ATXN10: variants seen among roughly 807,000 people sequenced by gnomAD.
ATXN10 encodes ataxin-10.
Under a neutral mutation model 52.9 loss-of-function variants are expected in ATXN10, and 28 were observed. The ratio of observed to expected loss-of-function variants is 0.53; its 90% confidence interval spans 0.39 to 0.73. ATXN10 has a LOEUF of 0.73. ATXN10 is among the 30% of genes least tolerant of loss of function. ATXN10 has a pLI of 0.00. For missense variants in ATXN10, 565 were observed against 577.0 expected (o/e 0.98, Z 0.21); for synonymous variants, 226 against 221.5 (o/e 1.02, Z -0.18).
intron 5 of ATXN10, among the ~76,000 whole-genome samples, chr22:45,709,593 G>T (rs776954757): frequency 5.9e-5 from 9 of 152,088 alleles, no homozygotes; most frequent in Non-Finnish European, 7.4e-5. Context: ...GCCCACGGCT[G>T]GTCCTCAGAC....
intron 5 of ATXN10, among the ~76,000 whole-genome samples, chr22:45,703,428 C>T (rs974125186): frequency 5.3e-5 from 8 of 152,106 alleles, no homozygotes; most frequent in African/African-American, 1.9e-4. Flanking sequence ...AGATTTATGT[C>T]TTTTGCCAAA....
intron 9 of ATXN10, among the ~76,000 whole-genome samples, chr22:45,755,593 G>A (rs1926145563): frequency 1.3e-5 from 2 of 152,022 alleles, no homozygotes; most frequent in Admixed American, 6.5e-5. Context: ...AATAATTTGT[G>A]TATATTTGGA....
At position 45,766,284 on chromosome 22, in the gene ATXN10, G is replaced by A. The variant is rs747508350; in HGVS notation, c.1173+25746G>A. Reference sequence around the variant, plus strand: ...TCTGCCTCTAGTCAGGTCAGAGGTGGCATTAGAGTCTCACAGGAGCGTGAA... The same window carrying A: ...TCTGCCTCTAGTCAGGTCAGAGGTGACATTAGAGTCTCACAGGAGCGTGAA... On this transcript the variant is annotated intron_variant, in intron 9 of 11. Coordinates refer to ENST00000252934, the MANE Select transcript of ATXN10 (RefSeq NM_013236.4). The surrounding 1 kb of genome is among the most constrained non-coding windows in gnomAD (Gnocchi z 4.6). Among the ~76,000 whole-genome samples the A allele has an allele frequency of 6.6e-6, 1 of 152,166 alleles. No individual in the cohort carries two copies. Among genetic ancestry groups the A allele is most frequent in the Non-Finnish European group, 1.5e-5 (1 of 68,036 alleles).
At chr22:45,736,491 G>GTAAC (rs1925301949) in intron 7 of ATXN10, among the ~76,000 whole-genome samples, 1 of 146,666 alleles carries the variant, frequency 6.8e-6, no homozygotes, top group Non-Finnish European at 1.5e-5. Flanking sequence ...CACCTTATCT[G>GTAAC]TAACACCTTA....
chr22:45,828,241 GA>G lies in ATXN10; in HGVS notation c.1238-14746del, dbSNP rs775331075. Among the ~76,000 whole-genome samples, 2 of 151,434 alleles carry G rather than the reference GA, an allele frequency of 1.3e-5. No individual in the cohort carries two copies. The highest frequency in any genetic ancestry group is 2.9e-5 in the Non-Finnish European group (2 of 67,830). On this transcript the variant is annotated intron_variant, in intron 10 of 11. Transcript: ENST00000252934. The surrounding 1 kb of genome is among the most constrained non-coding windows in gnomAD (Gnocchi z 4.5). ...AAGAAAAAAATATTTAGAGACAAAT[GA>G]AAATGAAAAGACAACATAACAGAAC...
At position 45,683,813 on chromosome 22, in the gene ATXN10, G is replaced by A. The variant is rs933461411; in HGVS notation, c.117-5899G>A. ...TTCGAGCACAGTCCATCTTCCCCAG[G>A]TCTTTAATGCTATTGATAGATGCCA... is the stretch of plus-strand genomic sequence containing the variant. On this transcript the variant is annotated intron_variant, in intron 1 of 11. Transcript: ENST00000252934. The surrounding 1 kb of genome is among the most constrained non-coding windows in gnomAD (Gnocchi z 4.8). Among the ~76,000 whole-genome samples the A allele has an allele frequency of 6.6e-6, 1 of 152,090 alleles. No individual in the cohort carries two copies. Among genetic ancestry groups the A allele is most frequent in the Non-Finnish European group, 1.5e-5 (1 of 68,016 alleles).
Position 45,841,693 on chromosome 22 carries a change from T to G in ATXN10, c.1238-1298T>G, listed in dbSNP as rs1330720362. On this transcript the variant is annotated intron_variant, in intron 10 of 11. Transcript: ENST00000252934. This position sits in a 1 kb window ranked among gnomAD's most constrained non-coding sequence, Gnocchi z 5.1. Reference sequence around the variant, plus strand: ...TGGACAGTCATTTTTACTATTTTCTTTTGAGGCTGTTGAATTAGGGAGAGA... The same window carrying G: ...TGGACAGTCATTTTTACTATTTTCTGTTGAGGCTGTTGAATTAGGGAGAGA... Among the ~76,000 whole-genome samples the G allele has an allele frequency of 6.6e-6, 1 of 152,226 alleles. No individual in the cohort carries two copies. The highest frequency in any genetic ancestry group is 1.9e-4 in the East Asian group (1 of 5,206).
rs530184228 is a variant in ATXN10, at chr22:45,823,236, A to G, written c.1237+16214A>G. On this transcript the variant is annotated intron_variant, in intron 10 of 11. Transcript: ENST00000252934. This position sits in a 1 kb window ranked among gnomAD's most constrained non-coding sequence, Gnocchi z 4.9. ...AGATGTAACTTCTGTTCTGACTTCTATGATGTTTTAATGAATAAAAATTCC... is the reference window on the plus strand; with the variant it reads ...AGATGTAACTTCTGTTCTGACTTCTGTGATGTTTTAATGAATAAAAATTCC... 9.0e-5 allele frequency: 42 copies of G among 468,162 alleles called. No individual in the cohort carries two copies. Among genetic ancestry groups the G allele is most frequent in the African/African-American group, 6.4e-4 (32 of 49,924 alleles). 29.0% of individuals were successfully genotyped at this position (468,162 alleles called of 1,614,324 possible).
At chr22:45,773,731 T>G (rs940826700) in intron 9 of ATXN10, among the ~76,000 whole-genome samples, 8 of 152,184 alleles carry the variant, frequency 5.3e-5, no homozygotes, top group Non-Finnish European at 8.8e-5. Context: ...ATGCTGGGAT[T>G]ACAGGTGTGA....
At position 45,805,506 on chromosome 22, in the gene ATXN10, G is replaced by A. The variant is rs1339416049; in HGVS notation, c.1174-1453G>A. On this transcript the variant is annotated intron_variant, in intron 9 of 11. Transcript: ENST00000252934. The surrounding 1 kb of genome is among the most constrained non-coding windows in gnomAD (Gnocchi z 4.4). Reference sequence around the variant, plus strand: ...ATGTGGCATATCCGTACAATGCACTGTTCACGTTACTCAGCCGTGAAAAGA... The same window carrying A: ...ATGTGGCATATCCGTACAATGCACTATTCACGTTACTCAGCCGTGAAAAGA... 6.6e-6 allele frequency among the ~76,000 whole-genome samples: 1 copy of A among 152,218 alleles called. No individual in the cohort carries two copies. Among genetic ancestry groups the A allele is most frequent in the Non-Finnish European group, 1.5e-5 (1 of 68,046 alleles).
chr22:45,792,766 A>G, intron 9 of ATXN10: 1 of 479,206 alleles, frequency 2.1e-6, no homozygotes, highest in South Asian at 1.7e-5. Flanking sequence ...TCTTCTTTTG[A>G]AATCGTCAAC....
At chr22:45,734,058 C>T (rs952205041) in intron 7 of ATXN10, among the ~76,000 whole-genome samples, 1 of 151,974 alleles carries the variant, frequency 6.6e-6, no homozygotes, top group African/African-American at 2.4e-5. Flanking sequence ...ATAGACTTTC[C>T]AGCTGCTTTC....
chr22:45,828,212 AAAG>A lies in ATXN10; in HGVS notation c.1238-14773_1238-14771del, dbSNP rs200995494. On this transcript the variant is annotated intron_variant, in intron 10 of 11. Coordinates refer to ENST00000252934, the MANE Select transcript of ATXN10 (RefSeq NM_013236.4). This position sits in a 1 kb window ranked among gnomAD's most constrained non-coding sequence, Gnocchi z 4.5. The stretch of plus-strand genomic sequence containing the variant: ...TTAAAAACTTTAAAAAAGAAAAAAA[AAAG>A]AAGAAAAAAATATTTAGAGACAAAT... Among the ~76,000 whole-genome samples the A allele has an allele frequency of 0.011, 1,715 of 152,034 alleles. 14 individuals are homozygous for A. The highest frequency in any genetic ancestry group is 0.034 in the Middle Eastern group (10 of 294).
Position 45,837,068 on chromosome 22 carries a change from G to T in ATXN10, c.1238-5923G>T, listed in dbSNP as rs1262914631. ...CCTTCATGGGTTTGTTATCTAAAAA[G>T]AGTTTTAAAATATATGTCCTGGATG... On this transcript the variant is annotated intron_variant, in intron 10 of 11. Transcript: ENST00000252934. The surrounding 1 kb of genome is among the most constrained non-coding windows in gnomAD (Gnocchi z 5.8). Among the ~76,000 whole-genome samples, 1 of 152,080 alleles carries T rather than the reference G, an allele frequency of 6.6e-6. No homozygotes were observed. The highest frequency in any genetic ancestry group is 1.5e-5 in the Non-Finnish European group (1 of 68,024).
Position 45,750,915 on chromosome 22 carries a change from ATTCT to A in ATXN10, c.1173+10387_1173+10390del, listed in dbSNP as rs1332730562. Among the ~76,000 whole-genome samples the A allele has an allele frequency of 6.1e-5, 9 of 147,974 alleles. No individual in the cohort carries two copies. In the East Asian group the frequency reaches 1.8e-3, roughly 30 times the overall value. The stretch of plus-strand genomic sequence containing the variant: ...GCTCCGTTCATTAGTGATTGTAGTA[ATTCT>A]TTCTTTCTTCTACTTTCCTGTTTTT... On this transcript the variant is annotated intron_variant, in intron 9 of 11. Coordinates refer to ENST00000252934, the MANE Select transcript of ATXN10 (RefSeq NM_013236.4). This position sits in a 1 kb window ranked among gnomAD's most constrained non-coding sequence, Gnocchi z 4.2.
At chr22:45,704,205 T>G (rs917682970) in intron 5 of ATXN10, 9 of 152,014 alleles carry the variant, frequency 5.9e-5, no homozygotes, top group Admixed American at 2.6e-4. Flanking sequence ...ATAGTAAATT[T>G]TGAAATCAGG....
intron 9 of ATXN10, among the ~76,000 whole-genome samples, chr22:45,743,290 G>A (rs1274242420): frequency 1.3e-5 from 2 of 152,212 alleles, no homozygotes; most frequent in African/African-American, 4.8e-5. Flanking sequence ...GAACCTGAAA[G>A]CATTACCTCT....
At position 45,835,274 on chromosome 22, in the gene ATXN10, G is replaced by C. The variant is rs1326114423; in HGVS notation, c.1238-7717G>C. ...TCATGGGTCCTGCTTTGCCTGGCGCGGGCGCTTGAGCTTTCACATCTGGGA... is the reference window on the plus strand; with the variant it reads ...TCATGGGTCCTGCTTTGCCTGGCGCCGGCGCTTGAGCTTTCACATCTGGGA... On this transcript the variant is annotated intron_variant, in intron 10 of 11. Transcript: ENST00000252934. This position sits in a 1 kb window ranked among gnomAD's most constrained non-coding sequence, Gnocchi z 5.0. Among the ~76,000 whole-genome samples the C allele has an allele frequency of 6.6e-6, 1 of 152,180 alleles. No homozygotes were observed. Among genetic ancestry groups the C allele is most frequent in the East Asian group, 1.9e-4 (1 of 5,192 alleles).
At chr22:45,752,795 A>G (rs1009781736) in intron 9 of ATXN10, among the ~76,000 whole-genome samples, 1 of 151,852 alleles carries the variant, frequency 6.6e-6, no homozygotes, top group African/African-American at 2.4e-5. Context: ...CTGGAGTGCA[A>G]TGGTGCGATC....
Sources: gnomAD v4.1 joint callset for allele counts (sites outside exome capture counted in the v4.1 genomes callset) on GRCh38, gnomAD v4.1.1 for gene constraint, Gnocchi (gnomAD v3.1) non-coding constraint, MANE v1.5 for transcripts, NCBI Gene and HGNC (gene_info 2026-07-23, HGNC 2026-07-21) for gene names.